The following PIK3AP1 variants were observed in gnomAD, a reference collection of about 807,000 sequenced individuals.
The protein encoded by PIK3AP1 is phosphoinositide 3-kinase adapter protein 1.
PIK3AP1 carries 21 observed loss-of-function variants against 88.1 expected under a neutral mutation model. The observed-to-expected ratio is 0.24, with a 90% confidence interval of 0.17 to 0.34. The LOEUF is 0.34. PIK3AP1 is among the 10% of genes least tolerant of loss of function. PIK3AP1 has a pLI of 1.00. For missense variants in PIK3AP1, 828 were observed against 1,035.7 expected, an observed-to-expected ratio of 0.80 and a Z score of 2.75; for synonymous variants, 398 against 400.0, an observed-to-expected ratio of 1.00 and a Z score of 0.06.
At chr10:96,692,584 G>C (rs1179077065) in intron 2 of PIK3AP1, among the ~76,000 whole-genome samples, 1 of 150,662 alleles carries the variant, frequency 6.6e-6, no homozygotes, top group Non-Finnish European at 1.5e-5. Context: ...AAAAAAAAAA[G>C]AAAGAAAGAA....
At chr10:96,616,508 C>A (rs2134196749) in intron 13 of PIK3AP1, 131 bp downstream of exon 13, 1 of 910,986 alleles carries the variant, frequency 1.1e-6, no homozygotes, top group Non-Finnish European at 1.8e-6. Flanking sequence ...AGTGGGGGAC[C>A]CAGATCTGTA....
chr10:96,616,080 C>T (rs1477571360), intron 13 of PIK3AP1, among the ~76,000 whole-genome samples: 1 of 152,162 alleles, frequency 6.6e-6, no homozygotes, highest in Non-Finnish European at 1.5e-5. Flanking sequence ...GTGGTGATGC[C>T]ACATGGCTGG....
intron 16 of PIK3AP1, 57 bp downstream of exon 16, chr10:96,602,223 T>C (rs1466505106): frequency 7.3e-7 from 1 of 1,372,460 alleles, no homozygotes. Context: ...TTCCAAGTCC[T>C]ATTCTCCCCT....
At chr10:96,719,961 T>C (rs902921987) in intron 1 of PIK3AP1, among the ~76,000 whole-genome samples, 1 of 152,190 alleles carries the variant, frequency 6.6e-6, no homozygotes, top group African/African-American at 2.4e-5. Flanking sequence ...CACCTAGGAC[T>C]GCCTGAGCGC....
At chr10:96,628,620 C>T (rs955402012) in intron 8 of PIK3AP1, 127 bp from the exon 9 acceptor site, 14 of 779,778 alleles carry the variant, frequency 1.8e-5, no homozygotes, top group Admixed American at 1.6e-4. Flanking sequence ...TCTATCCATC[C>T]CTCCATCCAT....
intron 13 of PIK3AP1, among the ~76,000 whole-genome samples, chr10:96,616,019 GCT>G (rs1253600011): frequency 1.3e-5 from 2 of 152,226 alleles, no homozygotes; most frequent in Non-Finnish European, 2.9e-5. Flanking sequence ...TATGCCAGAG[GCT>G]CTCTGTGGGA....
intron 8 of PIK3AP1, among the ~76,000 whole-genome samples, chr10:96,642,467 AG>A (rs1324095762): frequency 0.018 from 539 of 30,088 alleles, 6 homozygotes; most frequent in African/African-American, 0.039. Flanking sequence ...AGAAAAAAAG[AG>A]AAAGAAAGAA....
At chr10:96,651,790 G>C (rs1241573370) in intron 4 of PIK3AP1, 139 bp from the exon 5 acceptor site, 1 of 1,010,930 alleles carries the variant, frequency 9.9e-7, no homozygotes, top group African/African-American at 1.6e-5. Flanking sequence ...AGGTGAGCTG[G>C]GGCGGGAGTG....
In PIK3AP1 at chr10:96,615,448, A is replaced by T. The variant is rs553923873; in HGVS notation, c.2014+1191T>A. Reference sequence around the variant, plus strand: ...ACTCCCTTAGTCTAGGCAAGAGATGATGTGGCTTGGCTGCAGCAGTGCCAT... The same window carrying T: ...ACTCCCTTAGTCTAGGCAAGAGATGTTGTGGCTTGGCTGCAGCAGTGCCAT... On this transcript the variant is annotated intron_variant, in intron 13 of 16. Transcript: ENST00000339364. Among the ~76,000 whole-genome samples, 13 of 152,310 alleles carry T rather than the reference A, an allele frequency of 8.5e-5. 1 individual carries two copies. In the South Asian group the frequency reaches 2.3e-3, roughly 27 times the overall value.
chr10:96,611,879 T>C (rs914665833), intron 13 of PIK3AP1, among the ~76,000 whole-genome samples: 2 of 152,026 alleles, frequency 1.3e-5, no homozygotes, highest in African/African-American at 4.8e-5. Flanking sequence ...CAGGAAAAAA[T>C]AGGGAGTCAA....
intron 2 of PIK3AP1, among the ~76,000 whole-genome samples, chr10:96,694,661 GT>G (rs1316159047): frequency 6.6e-6 from 1 of 151,300 alleles, no homozygotes; most frequent in African/African-American, 2.4e-5. Context: ...AGTCTCTCAA[GT>G]AGCTGGGACC....
intron 2 of PIK3AP1, among the ~76,000 whole-genome samples, chr10:96,705,110 C>A (rs927980341): frequency 2.0e-5 from 3 of 152,056 alleles, no homozygotes; most frequent in Admixed American, 1.3e-4. Flanking sequence ...GGACTTTTAC[C>A]ATTTTAAAGG....
intron 1 of PIK3AP1, among the ~76,000 whole-genome samples, chr10:96,717,775 T>C (rs939128275): frequency 2.0e-5 from 3 of 152,158 alleles, no homozygotes; most frequent in African/African-American, 7.2e-5. Flanking sequence ...CTCTCTCACG[T>C]GTAAATACAC....
chr10:96,642,034 C>T (rs560172272), intron 8 of PIK3AP1, among the ~76,000 whole-genome samples: 4 of 152,236 alleles, frequency 2.6e-5, no homozygotes, highest in East Asian at 3.9e-4. Flanking sequence ...AGGAGGTAAG[C>T]GATCATTCTC....
intron 9 of PIK3AP1, among the ~76,000 whole-genome samples, chr10:96,628,066 C>T: frequency 6.6e-6 from 1 of 152,080 alleles, no homozygotes; most frequent in Non-Finnish European, 1.5e-5. Context: ...TATCTCCAGC[C>T]CCAACATCCA....
chr10:96,622,613 G>A (rs1843100129), intron 11 of PIK3AP1, among the ~76,000 whole-genome samples: 1 of 152,156 alleles, frequency 6.6e-6, no homozygotes, highest in South Asian at 2.1e-4. Flanking sequence ...TCTCTTTAAT[G>A]GTATTGGGAG....
intron 8 of PIK3AP1, among the ~76,000 whole-genome samples, chr10:96,634,945 T>C (rs920089946): frequency 6.6e-6 from 1 of 152,170 alleles, no homozygotes; most frequent in African/African-American, 2.4e-5. Flanking sequence ...TCTTCTGCCA[T>C]CTTCAAGCCT....
At chr10:96,616,833 A>C in intron 12 of PIK3AP1, 122 bp from the exon 13 acceptor site, 1 of 918,736 alleles carries the variant, frequency 1.1e-6, no homozygotes. Flanking sequence ...CATTTACAAC[A>C]TGCAAATGAG....
chr10:96,668,544 A>G (rs1327295159), intron 2 of PIK3AP1, among the ~76,000 whole-genome samples: 2 of 152,216 alleles, frequency 1.3e-5, no homozygotes, highest in Non-Finnish European at 2.9e-5. Context: ...AACTAAGGAG[A>G]TAAGTTTCAA....
Sources: allele counts gnomAD v4.1 joint callset (sites outside exome capture counted in the v4.1 genomes callset), GRCh38; gene constraint gnomAD v4.1.1; transcripts MANE v1.5; gene names NCBI Gene and HGNC (gene_info 2026-07-23, HGNC 2026-07-21).